Variants in MBOAT1 observed in about 807,000 individuals in gnomAD.
The protein encoded by MBOAT1 is membrane-bound glycerophospholipid O-acyltransferase 1.
A neutral mutation model predicts 64.4 loss-of-function variants in MBOAT1; 67 were observed. That is an observed-to-expected ratio of 1.04 (90% confidence interval 0.85 to 1.27). The LOEUF (loss-of-function observed/expected upper bound fraction) is 1.27, where lower values mean the gene tolerates loss of function less well. MBOAT1 is among the 50% of genes most tolerant of loss of function. The pLI is 0.00. For synonymous variants in MBOAT1, 229 were observed against 218.9 expected, an observed-to-expected ratio of 1.05 and a Z score of -0.41; for missense variants, 563 against 604.6, an observed-to-expected ratio of 0.93 and a Z score of 0.72.
chr6:20,128,490 A>T (rs999396603), intron 6 of MBOAT1, among the ~76,000 whole-genome samples: 5 of 152,244 alleles, frequency 3.3e-5, no homozygotes, highest in African/African-American at 1.2e-4. Flanking sequence ...ACACATTTCA[A>T]AATGACCTAG....
intron 1 of MBOAT1, among the ~76,000 whole-genome samples, chr6:20,159,159 C>A (rs1002804778): frequency 1.3e-5 from 2 of 152,040 alleles, no homozygotes; most frequent in Non-Finnish European, 2.9e-5. Context: ...TCCCCAACCC[C>A]CAGGCCATGG....
At chr6:20,144,569 G>A (rs997731193) in intron 3 of MBOAT1, among the ~76,000 whole-genome samples, 8 of 152,152 alleles carry the variant, frequency 5.3e-5, no homozygotes, top group African/African-American at 1.9e-4. Flanking sequence ...AGATCCCTGG[G>A]ACTTGCTCCC....
At chr6:20,173,147 A>G (rs1268042165) in intron 1 of MBOAT1, among the ~76,000 whole-genome samples, 1 of 152,176 alleles carries the variant, frequency 6.6e-6, no homozygotes, top group East Asian at 1.9e-4. Context: ...TGATGCGGCC[A>G]TGCTTCCTGT....
At chr6:20,135,656 G>T (rs150539587) in intron 4 of MBOAT1, among the ~76,000 whole-genome samples, 3 of 152,094 alleles carry the variant, frequency 2.0e-5, no homozygotes, top group Non-Finnish European at 4.4e-5. Flanking sequence ...CCAATCACAC[G>T]TCTGGCTGGC....
chr6:20,115,434 CAGG>C (rs1760291814), intron 9 of MBOAT1, 82 bp from the exon 10 acceptor site: 1 of 1,110,158 alleles, frequency 9.0e-7, no homozygotes, highest in Non-Finnish European at 1.4e-6. Flanking sequence ...TCCCTGGCAG[CAGG>C]TTAGATACTG....
chr6:20,171,014 G>A (rs1762174012), intron 1 of MBOAT1, among the ~76,000 whole-genome samples: 1 of 152,068 alleles, frequency 6.6e-6, no homozygotes, highest in Non-Finnish European at 1.5e-5. Flanking sequence ...GCAGAGAACA[G>A]GTAATAAAGG....
At chr6:20,142,429 T>A (rs1761204535) in intron 4 of MBOAT1, among the ~76,000 whole-genome samples, 1 of 152,158 alleles carries the variant, frequency 6.6e-6, no homozygotes, top group Admixed American at 6.5e-5. Context: ...TTTTCCATAT[T>A]TTACTAGCAA....
chr6:20,122,032 G>A (rs572268932), intron 8 of MBOAT1, among the ~76,000 whole-genome samples: 1 of 152,200 alleles, frequency 6.6e-6, no homozygotes, highest in South Asian at 2.1e-4. Context: ...GGGTGTGGTG[G>A]TAGGCACCTG....
chr6:20,183,225 T>G (rs926359592), intron 1 of MBOAT1, among the ~76,000 whole-genome samples: 3 of 151,716 alleles, frequency 2.0e-5, no homozygotes, highest in Non-Finnish European at 4.4e-5. Flanking sequence ...ATGATCTACC[T>G]GGAAAAAAAA....
chr6:20,129,302 T>G (rs558117006), intron 5 of MBOAT1, among the ~76,000 whole-genome samples: 26 of 152,276 alleles, frequency 1.7e-4, no homozygotes, highest in African/African-American at 6.3e-4. Flanking sequence ...TACAAAGAAA[T>G]TATCAGAGTT....
intron 11 of MBOAT1, among the ~76,000 whole-genome samples, chr6:20,110,251 C>T (rs1330299565): frequency 1.4e-5 from 2 of 148,090 alleles, no homozygotes; most frequent in East Asian, 2.0e-4. Context: ...CTTGCTCTGC[C>T]ACCCAGGCTG....
At chr6:20,168,500 A>AG (rs778566111) in intron 1 of MBOAT1, among the ~76,000 whole-genome samples, 18,878 of 104,502 alleles carry the variant, frequency 0.18, 1,440 homozygotes, top group African/African-American at 0.23. Context: ...ACAGAGAGAG[A>AG]GAGAGAGGAG....
chr6:20,211,138 G>A (rs564452866), intron 1 of MBOAT1, among the ~76,000 whole-genome samples: 1 of 152,282 alleles, frequency 6.6e-6, no homozygotes, highest in South Asian at 2.1e-4. Context: ...CAGTAAACAG[G>A]ACCCGAATAA....
In MBOAT1 at chr6:20,168,579, AAG is replaced by A. The variant is rs1214065828; in HGVS notation, c.100-15812_100-15811del. ...AGAGAAAGAGAAAGAGAGAGAGAGA[AAG>A]AGAGAGAGGGAGAGAAAGAGAGAAG... On this transcript the variant is annotated intron_variant, in intron 1 of 12. Coordinates refer to ENST00000324607, the MANE Select transcript of MBOAT1 (RefSeq NM_001080480.3). 4.1e-4 allele frequency among the ~76,000 whole-genome samples: 49 copies of A among 118,878 alleles called. 1 individual carries two copies. Among genetic ancestry groups the A allele is most frequent in the African/African-American group, 1.5e-3 (45 of 30,718 alleles). The allele number at this position is 118,878 out of a possible 152,430, so 78.0% of individuals were successfully genotyped here.
chr6:20,143,062 T>TG (rs1761224137), intron 4 of MBOAT1, among the ~76,000 whole-genome samples: 2 of 152,212 alleles, frequency 1.3e-5, no homozygotes, highest in South Asian at 4.1e-4. Flanking sequence ...TTTCACTGCC[T>TG]AGTTGCCAAC....
chr6:20,125,222 CCTTCAA>C (rs1448700969), intron 7 of MBOAT1, among the ~76,000 whole-genome samples: 7 of 152,148 alleles, frequency 4.6e-5, no homozygotes. Context: ...CAAGGAATGT[CCTTCAA>C]CATTCAACAG....
Position 20,102,326 on chromosome 6 carries a change from G to C in MBOAT1, c.1448C>G (p.Pro483Arg). 1 of 1,614,044 alleles carries C rather than the reference G, an allele frequency of 6.2e-7. No individual in the cohort carries two copies. Among genetic ancestry groups the C allele is most frequent in the South Asian group, 1.1e-5 (1 of 91,078 alleles). ...MKPQAHTQRR[P>R]QTLNSINKRK... ...CTTATTAATAGAGTTCAGAGTCTGA[G>C]GCCGCCTTTGCGTATGAGCTTGTGG... The change falls in exon 13 of 13, where the codon CCT (proline) becomes CGT (arginine). Residue 483 changes from proline (P) to arginine (R), a missense_variant. Physicochemically the swap from Pro to Arg is moderately radical, Grantham distance 103. Coordinates refer to ENST00000324607, the MANE Select transcript of MBOAT1 (RefSeq NM_001080480.3).
At chr6:20,193,000 T>C (rs900280409) in intron 1 of MBOAT1, among the ~76,000 whole-genome samples, 2 of 78,216 alleles carry the variant, frequency 2.6e-5, no homozygotes, top group African/African-American at 8.9e-5. Flanking sequence ...AATTTCTTTT[T>C]TTTTTTTTTT....
chr6:20,134,445 T>C (rs1165709564), intron 4 of MBOAT1, among the ~76,000 whole-genome samples: 2 of 152,054 alleles, frequency 1.3e-5, no homozygotes, highest in African/African-American at 4.8e-5. Flanking sequence ...CTTTCAACAA[T>C]ATATTGCTTC....
Sources: allele counts gnomAD v4.1 joint callset (sites outside exome capture counted in the v4.1 genomes callset), GRCh38; gene constraint gnomAD v4.1.1; transcripts MANE v1.5; gene names NCBI Gene and HGNC (gene_info 2026-07-23, HGNC 2026-07-21).